SLC25A12: variants seen among roughly 807,000 people sequenced by gnomAD.
The protein encoded by SLC25A12 is electrogenic aspartate/glutamate antiporter SLC25A12, mitochondrial.
A neutral mutation model predicts 83.3 loss-of-function variants in SLC25A12; 32 were observed. The observed-to-expected ratio is 0.38, with a 90% CI of 0.29 to 0.52. The LOEUF (loss-of-function observed/expected upper bound fraction) is 0.52. SLC25A12 is among the 20% of genes least tolerant of loss of function. The probability of loss-of-function intolerance (pLI) is 0.84; values close to 1 mark genes in which losing one functional copy is unlikely to be tolerated. For synonymous variants in SLC25A12, 267 were observed against 291.1 expected, an observed-to-expected ratio of 0.92 and a Z score of 0.84; for missense variants, 611 against 835.6, an observed-to-expected ratio of 0.73 and a Z score of 3.31.
chr2:171,796,524 C>T (rs1038915773), intron 13 of SLC25A12, among the ~76,000 whole-genome samples: 1 of 152,164 alleles, frequency 6.6e-6, no homozygotes, highest in African/African-American at 2.4e-5. Context: ...AACATACAAG[C>T]CAAGTGCAAT....
chr2:171,813,145 C>G (rs1473037119), intron 11 of SLC25A12, among the ~76,000 whole-genome samples, 194 bp downstream of exon 11: 1 of 151,834 alleles, frequency 6.6e-6, no homozygotes, highest in African/African-American at 2.4e-5. Context: ...AAATGAAGAC[C>G]TTATTTGCAG....
At chr2:171,812,857 C>G (rs1683976487) in intron 11 of SLC25A12, among the ~76,000 whole-genome samples, 1 of 149,088 alleles carries the variant, frequency 6.7e-6, no homozygotes. Context: ...TATAAATGGT[C>G]CCTGAAAGAG....
chr2:171,802,209 T>A (rs559501826), intron 13 of SLC25A12, among the ~76,000 whole-genome samples: 40 of 152,280 alleles, frequency 2.6e-4, no homozygotes, highest in Non-Finnish European at 4.3e-4. Flanking sequence ...TCCCACTATG[T>A]TGCACAAGCT....
rs1685072492 is a variant in SLC25A12 at position 171,857,556 on chromosome 2, G to A, written c.210-1607C>T. ...AAAAATTAGCCAGGTGTGGTGGTGT[G>A]TACCTGTAGTACCAACTACTTGGGA... is the stretch of plus-strand genomic sequence containing the variant. On this transcript the variant is annotated intron_variant, in intron 3 of 17. Transcript: ENST00000422440. 6.6e-5 allele frequency among the ~76,000 whole-genome samples: 10 copies of A among 151,864 alleles called. No individual in the cohort carries two copies. In the South Asian group the frequency reaches 2.1e-3, roughly 32 times the overall value.
intron 3 of SLC25A12, among the ~76,000 whole-genome samples, chr2:171,867,440 G>A (rs1287001297): frequency 5.3e-5 from 8 of 152,120 alleles, no homozygotes; most frequent in Non-Finnish European, 8.8e-5. Context: ...AGACCAGCCC[G>A]GCCAACACAG....
intron 13 of SLC25A12, among the ~76,000 whole-genome samples, chr2:171,794,044 C>G (rs1443333311): frequency 6.6e-6 from 1 of 152,034 alleles, no homozygotes; most frequent in Non-Finnish European, 1.5e-5. Flanking sequence ...CAGGATCACC[C>G]CAGCCATATT....
intron 4 of SLC25A12, 101 bp from the exon 5 acceptor site, chr2:171,844,609 C>A: frequency 1.2e-6 from 1 of 812,302 alleles, no homozygotes; most frequent in Non-Finnish European, 2.0e-6. Flanking sequence ...TTTTAAAAGT[C>A]AATATCATCT....
chr2:171,801,649 C>T (rs1683709639), intron 13 of SLC25A12, among the ~76,000 whole-genome samples: 1 of 152,086 alleles, frequency 6.6e-6, no homozygotes, highest in Non-Finnish European at 1.5e-5. Context: ...ACTCATACAG[C>T]CTGTTTTTCA....
At chr2:171,813,130 A>G (rs1201225004) in intron 11 of SLC25A12, among the ~76,000 whole-genome samples, 4 of 152,220 alleles carry the variant, frequency 2.6e-5, no homozygotes, top group Non-Finnish European at 4.4e-5. Flanking sequence ...AACCACAAGA[A>G]GAAGAAATGA....
intron 9 of SLC25A12, among the ~76,000 whole-genome samples, chr2:171,820,005 T>C (rs750528679): frequency 6.6e-5 from 10 of 152,020 alleles, no homozygotes; most frequent in South Asian, 6.2e-4. Context: ...CACTTATAAG[T>C]GGGAGCTAAG....
intron 13 of SLC25A12, among the ~76,000 whole-genome samples, chr2:171,805,462 T>A (rs1319646993): frequency 6.6e-6 from 1 of 152,144 alleles, no homozygotes; most frequent in Non-Finnish European, 1.5e-5. Context: ...ATTCAATGAG[T>A]AAGTGAATAT....
At chr2:171,824,321 CAG>C (rs1353496109) in intron 9 of SLC25A12, among the ~76,000 whole-genome samples, 1 of 152,166 alleles carries the variant, frequency 6.6e-6, no homozygotes, top group Non-Finnish European at 1.5e-5. Flanking sequence ...GATGCAGACT[CAG>C]GGTGCCAAAG....
intron 5 of SLC25A12, among the ~76,000 whole-genome samples, chr2:171,841,419 C>G (rs1358590432): frequency 6.6e-6 from 1 of 152,144 alleles, no homozygotes; most frequent in Admixed American, 6.5e-5. Flanking sequence ...GTCACCCACG[C>G]TGGAGTGCAG....
At position 171,868,712 on chromosome 2, in the gene SLC25A12, A is replaced by C. The variant is rs745744213; in HGVS notation, c.178T>G (p.Leu60Val). Residue 60 changes from leucine (L) to valine (V), a missense_variant, in exon 3 of 18, where the codon TTG becomes GTG. Physicochemically the swap from Leu to Val is conservative, Grantham distance 32. Coordinates refer to ENST00000422440, the MANE Select transcript of SLC25A12 (RefSeq NM_003705.5). ...PNSNPKIVQL[L>V]AGVADQTKDG... ...TTGGTTTGATCAGCTACTCCTGCCA[A>C]GAGCTGCACGATCTTTGGGTTACTA... 6.2e-7 allele frequency: 1 copy of C among 1,614,100 alleles called. No homozygotes were observed. The highest frequency in any genetic ancestry group is 8.5e-7 in the Non-Finnish European group (1 of 1,179,938).
intron 13 of SLC25A12, among the ~76,000 whole-genome samples, chr2:171,804,178 G>T (rs1683773347): frequency 6.6e-6 from 1 of 152,136 alleles, no homozygotes; most frequent in Non-Finnish European, 1.5e-5. Flanking sequence ...CAACACAGAT[G>T]AACCTTGAAA....
At chr2:171,855,655 G>C (rs758530269) in intron 4 of SLC25A12, 179 bp downstream of exon 4, 2 of 601,890 alleles carry the variant, frequency 3.3e-6, no homozygotes, top group Non-Finnish European at 6.0e-6. Context: ...CTTCATCTTT[G>C]GCAACAGTTT....
chr2:171,827,504 C>T lies in SLC25A12; in HGVS notation c.846-622G>A, dbSNP rs571643708. 9.9e-5 allele frequency among the ~76,000 whole-genome samples: 15 copies of T among 152,088 alleles called. No homozygotes were observed. In the South Asian group the frequency reaches 2.3e-3, roughly 23 times the overall value. The stretch of plus-strand genomic sequence containing the variant: ...CTTCACTTCAGCCTCCAATTGATCA[C>T]GGGCTGAGCCTTCACTTCAGCCTCC... On this transcript the variant is annotated intron_variant, in intron 8 of 17. Transcript: ENST00000422440.
chr2:171,826,374 G>A lies in SLC25A12; in HGVS notation c.930+424C>T, dbSNP rs531183632. ...TGTAATCCCAGCACTTTGGGAGGCC[G>A]AGGCAGGTGGATCACCTGAGGTCAC... On this transcript the variant is annotated intron_variant, in intron 9 of 17. Coordinates refer to ENST00000422440, the MANE Select transcript of SLC25A12 (RefSeq NM_003705.5). Among the ~76,000 whole-genome samples, 19 of 152,284 alleles carry A rather than the reference G, an allele frequency of 1.2e-4. No homozygotes were observed. In the East Asian group the frequency reaches 2.1e-3, roughly 17 times the overall value.
At chr2:171,848,746 A>C (rs929315773) in intron 4 of SLC25A12, among the ~76,000 whole-genome samples, 5 of 152,230 alleles carry the variant, frequency 3.3e-5, no homozygotes, top group African/African-American at 1.2e-4. Context: ...GATGGTCATT[A>C]GTTTCCTGAA....
Sources: allele counts gnomAD v4.1 joint callset (sites outside exome capture counted in the v4.1 genomes callset), GRCh38; gene constraint gnomAD v4.1.1; transcripts MANE v1.5; gene names NCBI Gene and HGNC (gene_info 2026-07-23, HGNC 2026-07-21).